The following GPC4 variants were observed in gnomAD, a reference collection of about 807,000 sequenced individuals.
GPC4 encodes the protein glypican 4.
Under a neutral mutation model 35.0 loss-of-function variants are expected in GPC4, and 10 were observed. The ratio of observed to expected loss-of-function variants is 0.29; its 90% confidence interval spans 0.18 to 0.48. GPC4 has a LOEUF of 0.48. Ranked by LOEUF, GPC4 falls within the 20% of genes least tolerant of loss-of-function variation. GPC4 has a pLI of 0.99. For missense variants in GPC4, 322 were observed against 451.3 expected (o/e 0.71, Z 2.60); for synonymous variants, 167 against 170.2 (o/e 0.98, Z 0.15).
chrX:133,314,169 C>CA (rs1316109089), intron 3 of GPC4, among the ~76,000 whole-genome samples: 225 of 112,148 alleles, frequency 2.0e-3, no homozygotes, highest in African/African-American at 7.1e-3. Flanking sequence ...CTACAAAATA[C>CA]AAAGCAATTC....
chrX:133,409,671 G>C (rs1306430526), intron 1 of GPC4, among the ~76,000 whole-genome samples: 1 of 111,776 alleles, frequency 8.9e-6, no homozygotes, highest in Non-Finnish European at 1.9e-5. Flanking sequence ...TTCCAACAGG[G>C]AATTAGGAAG....
At chrX:133,341,298 G>A (rs995514158) in intron 1 of GPC4, among the ~76,000 whole-genome samples, 1 of 111,758 alleles carries the variant, frequency 8.9e-6, no homozygotes, top group Admixed American at 9.5e-5. Flanking sequence ...ATAGTACAGT[G>A]CTGTCACTAT....
intron 1 of GPC4, among the ~76,000 whole-genome samples, chrX:133,408,750 C>T (rs963931021): frequency 9.0e-5 from 10 of 110,686 alleles, no homozygotes; most frequent in African/African-American, 3.0e-4. Flanking sequence ...AAAAAAAAAT[C>T]CTATAAGCAT....
chrX:133,328,270 T>TA (rs1278407514), intron 2 of GPC4, among the ~76,000 whole-genome samples: 1 of 111,654 alleles, frequency 9.0e-6, no homozygotes, highest in Non-Finnish European at 1.9e-5. Flanking sequence ...GGATTCTTAC[T>TA]AGCCCTGTTG....
intron 3 of GPC4, among the ~76,000 whole-genome samples, chrX:133,318,025 T>C (rs1461694269): frequency 8.9e-6 from 1 of 112,116 alleles, no homozygotes; most frequent in South Asian, 3.7e-4. Context: ...TTCAAATGAT[T>C]AGACTCAGTT....
intron 2 of GPC4, among the ~76,000 whole-genome samples, chrX:133,327,919 A>G (rs1172519119): frequency 9.0e-6 from 1 of 110,902 alleles, no homozygotes; most frequent in East Asian, 2.8e-4. Flanking sequence ...ATTTCTCCAA[A>G]TGGGTATGCA....
At chrX:133,310,541 T>G (rs5977852) in intron 4 of GPC4, among the ~76,000 whole-genome samples, 45,508 of 110,460 alleles carry the variant, frequency 0.41, 8,411 homozygotes, top group African/African-American at 0.72. Flanking sequence ...GGAATATATA[T>G]GCAGGAATAT....
At chrX:133,414,407 G>A (rs1475608955) in intron 1 of GPC4, 2 of 478,032 alleles carry the variant, frequency 4.2e-6, no homozygotes, top group South Asian at 1.2e-4. Flanking sequence ...ACAACAAAGC[G>A]GGGCGTCCTA....
rs2073050 is a variant in GPC4, at chrX:133,311,716, A to T, written c.712-293T>A. Among the ~76,000 whole-genome samples the T allele has an allele frequency of 0.4, 43,262 of 107,708 alleles. 8,089 individuals are homozygous for T. The highest frequency in any genetic ancestry group is 0.7 in the African/African-American group (20,627 of 29,280). The allele number at this position is 107,708 out of a possible 115,157, so 93.5% of individuals were successfully genotyped here. On this transcript the variant is annotated intron_variant, in intron 3 of 8. Transcript: ENST00000370828. ...CTCCTGGAGTCTCTCTCTCACACAC[A>T]CATAAATTGCTCAATTATCTCAAAA... is the stretch of plus-strand genomic sequence containing the variant.
At chrX:133,340,085 G>A (rs2068460064) in intron 1 of GPC4, among the ~76,000 whole-genome samples, 1 of 110,911 alleles carries the variant, frequency 9.0e-6, no homozygotes, top group African/African-American at 3.3e-5. Flanking sequence ...AGCCCCAAGA[G>A]TCAAGGGAAA....
At chrX:133,308,399 G>A (rs999856775) in intron 4 of GPC4, among the ~76,000 whole-genome samples, 1 of 112,282 alleles carries the variant, frequency 8.9e-6, no homozygotes, top group Non-Finnish European at 1.9e-5. Flanking sequence ...AGTATGTGAT[G>A]GAGAACAAGT....
intron 2 of GPC4, among the ~76,000 whole-genome samples, chrX:133,327,014 C>T (rs1414424717): frequency 8.9e-6 from 1 of 112,663 alleles, no homozygotes; most frequent in Non-Finnish European, 1.9e-5. Flanking sequence ...ACATAGCTAT[C>T]ACATATTGGA....
At chrX:133,402,925 A>G (rs1213759557) in intron 1 of GPC4, among the ~76,000 whole-genome samples, 2 of 108,086 alleles carry the variant, frequency 1.9e-5, no homozygotes, top group African/African-American at 6.7e-5. Flanking sequence ...AAAAAAAAAA[A>G]AAGAAAGAAA....
chrX:133,326,069 T>C (rs1457492696), intron 2 of GPC4, among the ~76,000 whole-genome samples: 1 of 109,975 alleles, frequency 9.1e-6, no homozygotes, highest in Non-Finnish European at 1.9e-5. Flanking sequence ...ATCTAGTTCT[T>C]TTCCCTTCTA....
intron 1 of GPC4, among the ~76,000 whole-genome samples, chrX:133,406,748 A>G (rs1351925471): frequency 5.4e-5 from 2 of 37,369 alleles, no homozygotes. Flanking sequence ...ACTTCGTCTC[A>G]AAAAAAAAAA....
intron 1 of GPC4, among the ~76,000 whole-genome samples, chrX:133,356,876 G>T (rs747900886): frequency 9.0e-6 from 1 of 111,391 alleles, no homozygotes; most frequent in South Asian, 3.8e-4. Flanking sequence ...AAACTCAAGA[G>T]AACAGAAAAG....
At chrX:133,350,501 G>A (rs1039543693) in intron 1 of GPC4, among the ~76,000 whole-genome samples, 2 of 110,739 alleles carry the variant, frequency 1.8e-5, no homozygotes. Flanking sequence ...TCAAGCCTTG[G>A]AGTGGGGTGG....
At chrX:133,400,617 C>T (rs75353563) in intron 1 of GPC4, among the ~76,000 whole-genome samples, 1,723 of 112,026 alleles carry the variant, frequency 0.015, 44 homozygotes, top group African/African-American at 0.053. Flanking sequence ...AGTTTAGGCA[C>T]CCCCTTTCTA....
chrX:133,318,116 C>A (rs1187020633), intron 3 of GPC4, among the ~76,000 whole-genome samples: 1 of 111,480 alleles, frequency 9.0e-6, no homozygotes, highest in Non-Finnish European at 1.9e-5. Context: ...CAATTTGACA[C>A]CTCCTGTACT....
Sources: allele counts gnomAD v4.1 joint callset (sites outside exome capture counted in the v4.1 genomes callset), GRCh38; gene constraint gnomAD v4.1.1; transcripts MANE v1.5; gene names NCBI Gene and HGNC (gene_info 2026-07-23, HGNC 2026-07-21).